Variants in NAV2 observed in about 807,000 individuals in gnomAD.
NAV2 encodes the protein neuron navigator 2, also known as helicase, APC down-regulated 1.
Under a neutral mutation model 223.2 loss-of-function variants are expected in NAV2, and 54 were observed. That is an observed-to-expected ratio of 0.24 (90% CI 0.19 to 0.30). The LOEUF (loss-of-function observed/expected upper bound fraction) is 0.30, where lower values mean the gene tolerates loss of function less well. Ranked by LOEUF, NAV2 falls within the 10% of genes least tolerant of loss-of-function variation. NAV2 has a pLI of 1.00. For synonymous variants in NAV2, 1,279 were observed against 1,239.3 expected (o/e 1.03, Z -0.67); for missense variants, 2,806 against 3,147.5 (o/e 0.89, Z 2.60).
intron 1 of NAV2, among the ~76,000 whole-genome samples, chr11:19,516,721 A>G (rs2043463729): frequency 6.6e-6 from 1 of 152,218 alleles, no homozygotes; most frequent in Non-Finnish European, 1.5e-5. Context: ...GAGGACGGCA[A>G]TAAAGCCAAG....
In NAV2 at chr11:19,637,235, A is replaced by G. The variant is rs73422488; in HGVS notation, c.76-195249A>G. On this transcript the variant is annotated intron_variant, in intron 1 of 37. Transcript: ENST00000360655. The stretch of plus-strand genomic sequence containing the variant: ...TACCTGGCTGGTTTCTGTGACTAAT[A>G]CCTGGCCCATTGAGTTGAGATTTGG... Among the ~76,000 whole-genome samples the G allele has an allele frequency of 9.8e-3, 1,492 of 152,212 alleles. 23 individuals carry two copies. Among genetic ancestry groups the G allele is most frequent in the African/African-American group, 0.034 (1,419 of 41,526 alleles).
chr11:19,911,096 G>A (rs2585763), intron 6 of NAV2, among the ~76,000 whole-genome samples: 2 of 126,292 alleles, frequency 1.6e-5, no homozygotes, highest in African/African-American at 7.7e-5. Context: ...GCAAATATTT[G>A]TGAGCTGGAA....
chr11:19,379,869 C>T (rs1231183639), intron 1 of NAV2, among the ~76,000 whole-genome samples: 6 of 152,138 alleles, frequency 3.9e-5, no homozygotes, highest in East Asian at 1.9e-4. Context: ...TTTCTACTCC[C>T]GCCAGCACCA....
At chr11:19,347,260 T>A (rs1564865427), upstream of NAV2, among the ~76,000 whole-genome samples, 2 of 152,366 alleles carry the variant, frequency 1.3e-5, 1 homozygote, top group South Asian at 4.1e-4. Context: ...CCTGGAATCC[T>A]AAATTGGCAT....
Position 20,103,729 on chromosome 11 carries a change from G to A in NAV2, c.6644+5G>A, listed in dbSNP as rs2061813690. 1 of 1,613,850 alleles carries A rather than the reference G, an allele frequency of 6.2e-7. No homozygotes were observed. The highest frequency in any genetic ancestry group is 8.5e-7 in the Non-Finnish European group (1 of 1,179,722). ...GCAGCTTCACCATAACTTCAGGTCA[G>A]TTTTCCCTTCCCTTGTCCAGTTAAA... On this transcript the variant is annotated splice_donor_5th_base_variant and intron_variant, in intron 34 of 37. Transcript: ENST00000349880.
intron 26 of NAV2, among the ~76,000 whole-genome samples, chr11:20,088,116 G>T (rs2060573384): frequency 6.6e-6 from 1 of 152,164 alleles, no homozygotes; most frequent in Non-Finnish European, 1.5e-5. Flanking sequence ...AGGGGAGAAG[G>T]CTCTGTCTTG....
intron 1 of NAV2, among the ~76,000 whole-genome samples, chr11:19,589,540 A>C (rs2045996558): frequency 6.6e-6 from 1 of 152,214 alleles, no homozygotes; most frequent in African/African-American, 2.4e-5. Context: ...GATTCCCAGC[A>C]GTGGGAATGG....
At position 19,757,709 on chromosome 11, in the gene NAV2, T is replaced by G. The variant is rs74398179; in HGVS notation, c.267+43747T>G. Among the ~76,000 whole-genome samples the G allele has an allele frequency of 8.3e-3, 1,267 of 152,242 alleles. 24 individuals are homozygous for G. Among genetic ancestry groups the G allele is most frequent in the Admixed American group, 0.034 (520 of 15,306 alleles). On this transcript the variant is annotated intron_variant, in intron 1 of 37. Transcript: ENST00000349880. ...CTGGTGCACAGTAACAGCTTACACT[T>G]ATTGAGGGTATGGTATGTGCTATAC...
intron 4 of NAV2, among the ~76,000 whole-genome samples, chr11:19,875,441 G>A (rs538139456): frequency 6.6e-6 from 1 of 152,170 alleles, no homozygotes; most frequent in Non-Finnish European, 1.5e-5. Context: ...CAGAATGGCT[G>A]TATGGGTACT....
At chr11:19,773,413 G>A (rs1476700625) in intron 1 of NAV2, among the ~76,000 whole-genome samples, 1 of 152,184 alleles carries the variant, frequency 6.6e-6, no homozygotes, top group East Asian at 1.9e-4. Context: ...GTTCAAGAAT[G>A]GTCATGCTCA....
In NAV2 at chr11:19,479,258, T is replaced by C. The variant is rs192357819; in HGVS notation, c.75+128231T>C. Among the ~76,000 whole-genome samples, 272 of 152,296 alleles carry C rather than the reference T, an allele frequency of 1.8e-3. 1 individual carries two copies. Among genetic ancestry groups the C allele is most frequent in the African/African-American group, 4.5e-3 (189 of 41,554 alleles). ...AAGGGGCTTTGCCACCGTGGCTCTC[T>C]CTGGTGGCATATTAGGAGCTAGTTT... is the stretch of plus-strand genomic sequence containing the variant. On this transcript the variant is annotated intron_variant, in intron 1 of 37. Transcript: ENST00000360655.
At chr11:19,779,312 C>G (rs1258016529) in intron 1 of NAV2, among the ~76,000 whole-genome samples, 1 of 152,292 alleles carries the variant, frequency 6.6e-6, no homozygotes, top group East Asian at 1.9e-4. Flanking sequence ...CCCACTGCCC[C>G]AGAGCCCAGG....
At chr11:19,981,987 A>G (rs932391788) in intron 10 of NAV2, among the ~76,000 whole-genome samples, 4 of 129,406 alleles carry the variant, frequency 3.1e-5, no homozygotes, top group Non-Finnish European at 7.4e-5. Flanking sequence ...TCATTCATTC[A>G]TGTGTTCATT....
chr11:19,920,870 C>G (rs892333548), intron 6 of NAV2, among the ~76,000 whole-genome samples: 1 of 152,124 alleles, frequency 6.6e-6, no homozygotes, highest in Admixed American at 6.5e-5. Context: ...CTTAGCCTTA[C>G]AAAAAATTGT....
intron 4 of NAV2, among the ~76,000 whole-genome samples, chr11:19,869,761 G>A (rs2062354721): frequency 6.6e-6 from 1 of 152,204 alleles, no homozygotes; most frequent in Non-Finnish European, 1.5e-5. Flanking sequence ...TCAGATGATA[G>A]CACCTTTCCC....
At chr11:20,040,575 T>A (rs10833227) in intron 12 of NAV2, among the ~76,000 whole-genome samples, 15,188 of 152,266 alleles carry the variant, frequency 0.1, 833 homozygotes, top group East Asian at 0.19. Flanking sequence ...CCCCACATCA[T>A]GCTCCTCAGG....
chr11:19,614,439 A>C lies in NAV2; in HGVS notation c.76-218045A>C, dbSNP rs542576905. 3.2e-4 allele frequency among the ~76,000 whole-genome samples: 49 copies of C among 152,060 alleles called. No individual in the cohort carries two copies. In the South Asian group the frequency reaches 9.6e-3, roughly 30 times the overall value. On this transcript the variant is annotated intron_variant, in intron 1 of 37. Transcript: ENST00000360655. The stretch of plus-strand genomic sequence containing the variant: ...TTAATTAATAAATTTTATTGTATAG[A>C]GTAGTTTTAGGTTTACAGCAAAATT...
At chr11:20,065,164 T>G (rs1477594925) in intron 20 of NAV2, among the ~76,000 whole-genome samples, 1 of 152,244 alleles carries the variant, frequency 6.6e-6, no homozygotes, top group Non-Finnish European at 1.5e-5. Flanking sequence ...TGTTATTACA[T>G]TCTTCGTGAT....
intron 10 of NAV2, among the ~76,000 whole-genome samples, chr11:19,965,186 G>C (rs186555408): frequency 4.7e-4 from 71 of 152,188 alleles, no homozygotes; most frequent in Non-Finnish European, 7.8e-4. Flanking sequence ...CAGGGATTTG[G>C]GGGGGCGGGG....
Sources: allele counts gnomAD v4.1 joint callset (sites outside exome capture counted in the v4.1 genomes callset), GRCh38; gene constraint gnomAD v4.1.1; transcripts MANE v1.5; gene names NCBI Gene and HGNC (gene_info 2026-07-23, HGNC 2026-07-21).